Variants in GAB3 observed in about 807,000 individuals in gnomAD.
GAB3 encodes the protein GRB2 associated binding protein 3.
GAB3 carries 12 observed loss-of-function variants against 40.4 expected under a neutral mutation model. The observed-to-expected ratio is 0.30, with a 90% confidence interval of 0.19 to 0.48. The LOEUF (loss-of-function observed/expected upper bound fraction) is 0.48, where lower values mean the gene tolerates loss of function less well. Ranked by LOEUF, GAB3 falls within the 20% of genes least tolerant of loss-of-function variation. GAB3 has a pLI of 0.99. For synonymous variants in GAB3, 154 were observed against 176.7 expected (o/e 0.87, Z 1.02); for missense variants, 381 against 461.9 (o/e 0.82, Z 1.61).
intron 8 of GAB3, among the ~76,000 whole-genome samples, chrX:154,687,218 A>G (rs1437151183): frequency 9.0e-6 from 1 of 110,830 alleles, no homozygotes; most frequent in African/African-American, 3.3e-5. Context: ...CAAAACAAAA[A>G]AAACAAAAAC....
chrX:154,690,550 A>T (rs374915943), intron 8 of GAB3, among the ~76,000 whole-genome samples: 11 of 112,307 alleles, frequency 9.8e-5, no homozygotes, highest in Non-Finnish European at 1.7e-4. Context: ...GAATCTACAA[A>T]GAACTCAAAC....
intron 8 of GAB3, among the ~76,000 whole-genome samples, chrX:154,693,826 C>T (rs2070609039): frequency 9.0e-6 from 1 of 111,456 alleles, no homozygotes; most frequent in African/African-American, 3.3e-5. Flanking sequence ...CTATAAAAGC[C>T]TTACAAAGCT....
intron 1 of GAB3, among the ~76,000 whole-genome samples, chrX:154,736,600 G>A (rs953615560): frequency 8.9e-6 from 1 of 112,298 alleles, no homozygotes; most frequent in African/African-American, 3.2e-5. Flanking sequence ...TGGTGTGTAC[G>A]TATTTTGGTG....
intron 7 of GAB3, among the ~76,000 whole-genome samples, chrX:154,696,273 C>T (rs782096395): frequency 8.8e-5 from 8 of 91,195 alleles, no homozygotes; most frequent in East Asian, 3.3e-4. Flanking sequence ...GCTTTCTAAA[C>T]GGACGAGGGC....
At chrX:154,749,843 T>G (rs1298774735) in intron 1 of GAB3, among the ~76,000 whole-genome samples, 2 of 112,903 alleles carry the variant, frequency 1.8e-5, no homozygotes, top group Non-Finnish European at 3.7e-5. Flanking sequence ...CATACATTAT[T>G]AAAGTCTTTT....
At chrX:154,750,845 G>A in intron 1 of GAB3, 109 bp downstream of exon 1, 1 of 418,314 alleles carries the variant, frequency 2.4e-6, no homozygotes, top group South Asian at 1.2e-4. Flanking sequence ...CCCGGGCGCT[G>A]GGAGCGGCTG....
intron 1 of GAB3, among the ~76,000 whole-genome samples, chrX:154,733,894 G>T (rs1216052249): frequency 1.8e-5 from 2 of 111,987 alleles, no homozygotes; most frequent in Non-Finnish European, 3.8e-5. Context: ...TGTCCTGGAG[G>T]TAATTATCTG....
chrX:154,699,507 T>A lies in GAB3; in HGVS notation c.1132A>T (p.Arg378Trp), dbSNP rs782639433. 14 of 1,203,789 alleles carry A rather than the reference T, an allele frequency of 1.2e-5. No homozygotes were observed. In the South Asian group the frequency reaches 2.5e-4, roughly 21 times the overall value. The change falls in exon 6 of 10, where the codon AGG becomes TGG. Residue 378 changes from arginine to tryptophan, a missense_variant. By Grantham distance (101) the Arg-to-Trp change is moderately radical. Around this residue, in one of 2 missense-constraint regions of GAB3, gnomAD observed 364 missense variants for 421.0 expected, o/e 0.86. Transcript: ENST00000424127. ...GCTGTGGGGTACATCGGGGAGAACC[T>A]GCATGGCTGCAAAAGAATAGATACA... ...DKRLSLNLPC[R>W]FSPMYPTASA...
At chrX:154,744,873 TAGAA>T (rs1332502464) in intron 1 of GAB3, among the ~76,000 whole-genome samples, 1 of 112,592 alleles carries the variant, frequency 8.9e-6, no homozygotes, top group Non-Finnish European at 1.9e-5. Flanking sequence ...AAATTAATAA[TAGAA>T]AGATATCTAG....
At chrX:154,734,358 T>C (rs1314262965) in intron 1 of GAB3, among the ~76,000 whole-genome samples, 5 of 113,041 alleles carry the variant, frequency 4.4e-5, no homozygotes, top group African/African-American at 6.4e-5. Flanking sequence ...GTGACGTTCT[T>C]ATGTGCAAAG....
intron 8 of GAB3, among the ~76,000 whole-genome samples, chrX:154,687,441 C>A (rs782743048): frequency 7.0e-4 from 77 of 109,510 alleles, no homozygotes; most frequent in East Asian, 1.1e-3. Flanking sequence ...ACCATCCTGG[C>A]TAACACGGTG....
chrX:154,744,308 G>A (rs782574418), intron 1 of GAB3, among the ~76,000 whole-genome samples: 14 of 106,803 alleles, frequency 1.3e-4, no homozygotes, highest in Admixed American at 1.2e-3. Flanking sequence ...TAGACACAGA[G>A]AGGTTAGAAG....
intron 6 of GAB3, 136 bp from the exon 7 acceptor site, chrX:154,697,349 GTCC>G (rs2070675745): frequency 2.5e-6 from 1 of 405,323 alleles, no homozygotes; most frequent in South Asian, 5.3e-5. Context: ...GAATTTCACT[GTCC>G]TCCTCTTCCC....
chrX:154,712,691 T>C lies in GAB3; in HGVS notation c.607A>G (p.Arg203Gly), dbSNP rs1557256579. The stretch of plus-strand genomic sequence containing the variant: ...TCTGAGTTTGACCAGCTATCACATC[T>C]GGTGGGTAGACTGGGGAAGAAAAGC... ...GRLHHTSLPT[R>G]CDSWSNSDRS... Residue 203 changes from arginine to glycine, a missense_variant, in exon 4 of 10, where the codon AGA becomes GGA. Physicochemically the swap from Arg to Gly is moderately radical, Grantham distance 125. Around this residue, in one of 2 missense-constraint regions of GAB3, gnomAD observed 364 missense variants for 421.0 expected, o/e 0.86. Coordinates refer to ENST00000424127, the MANE Select transcript of GAB3 (RefSeq NM_001081573.3). 5.4e-6 allele frequency: 6 copies of C among 1,109,904 alleles called. No individual in the cohort carries two copies. The highest frequency in any genetic ancestry group is 7.1e-6 in the Non-Finnish European group (6 of 842,391). 91.5% of individuals were successfully genotyped at this position (1,109,904 alleles called of 1,213,427 possible).
Position 154,713,371 on chromosome X carries a change from G to A in GAB3, c.432C>T (p.Ala144=), listed in dbSNP as rs201258397. 8.3e-7 allele frequency: 1 copy of A among 1,207,634 alleles called. No individual in the cohort carries two copies. ...YTPSSLQPSS[A]SSLLTAHAAS... is the part of the protein sequence containing the mutation. ...CAGCATGGGCGGTAAGAAGGGAGCT[G>A]GCAGAGGATGGCTGCAGGGAGGAGG... is the stretch of plus-strand genomic sequence containing the variant. The change falls in exon 3 of 10, where the codon GCC becomes GCT. Residue 144 remains alanine, a synonymous_variant. Transcript: ENST00000424127.
At chrX:154,751,106 G>T, upstream of GAB3, 2 of 748,821 alleles carry the variant, frequency 2.7e-6, no homozygotes, top group African/African-American at 2.3e-5. Flanking sequence ...CCGGCGGGGC[G>T]GGCCCAGCGC....
At position 154,702,486 on chromosome X, in the gene GAB3, C is replaced by T. The variant is rs781786548; in HGVS notation, c.1070-2427G>A. Among the ~76,000 whole-genome samples the T allele has an allele frequency of 6.2e-5, 7 of 112,052 alleles. No individual in the cohort carries two copies. In the South Asian group the frequency reaches 1.5e-3, roughly 23 times the overall value. ...TACAAGAAAACATTAGGGAAAATCT[C>T]GAAGACATTTGCCTGGACAAAAAAA... On this transcript the variant is annotated intron_variant, in intron 4 of 9. Coordinates refer to ENST00000424127, the MANE Select transcript of GAB3 (RefSeq NM_001081573.3).
At chrX:154,698,796 C>T (rs939830209) in intron 6 of GAB3, among the ~76,000 whole-genome samples, 18 of 112,213 alleles carry the variant, frequency 1.6e-4, no homozygotes, top group African/African-American at 5.5e-4. Context: ...AAATCCTCTT[C>T]TATCCCTGAA....
chrX:154,684,275 T>C (rs1189762984), intron 8 of GAB3, among the ~76,000 whole-genome samples: 1 of 112,214 alleles, frequency 8.9e-6, no homozygotes, highest in African/African-American at 3.2e-5. Flanking sequence ...ATTGCACTTA[T>C]CTCTTCTTTT....
Sources: gnomAD v4.1 joint callset for allele counts (sites outside exome capture counted in the v4.1 genomes callset) on GRCh38, gnomAD v4.1.1 for gene constraint, gnomAD v4.1.1 regional missense constraint, MANE v1.5 for transcripts, NCBI Gene and HGNC (gene_info 2026-07-23, HGNC 2026-07-21) for gene names.